Variants in RPP40 observed in about 807,000 individuals in gnomAD.
The protein encoded by RPP40 is ribonuclease P protein subunit p40.
In RPP40, 30 loss-of-function variants were observed where a neutral mutation model predicts 42.5. That is an observed-to-expected ratio of 0.71 (90% CI 0.53 to 0.96). The LOEUF is 0.96. RPP40 is among the 40% of genes least tolerant of loss of function. The probability of loss-of-function intolerance (pLI) is 0.00; values close to 1 mark genes in which losing one functional copy is unlikely to be tolerated. For synonymous variants in RPP40, 173 were observed against 164.0 expected, an observed-to-expected ratio of 1.05 and a Z score of -0.42; for missense variants, 426 against 433.5, an observed-to-expected ratio of 0.98 and a Z score of 0.15.
At chr6:4,996,511 G>T in intron 5 of RPP40, 91 bp from the exon 6 acceptor site, 1 of 1,190,866 alleles carries the variant, frequency 8.4e-7, no homozygotes, top group Non-Finnish European at 1.2e-6. Context: ...TCCCATCTGA[G>T]CGGTAAGATT....
At position 4,996,234 on chromosome 6, in the gene RPP40, C is replaced by A; in HGVS notation, c.746G>T (p.Ser249Ile). 6.2e-7 allele frequency: 1 copy of A among 1,613,868 alleles called. No homozygotes were observed. The highest frequency in any genetic ancestry group is 8.5e-7 in the Non-Finnish European group (1 of 1,179,922). Residue 249 changes from serine to isoleucine, a missense_variant, in exon 6 of 8, where the codon AGT (serine) becomes ATT (isoleucine). Physicochemically the swap from Ser to Ile is moderately radical, Grantham distance 142. Transcript: ENST00000380051. Reference sequence around the variant, plus strand: ...TTCAGATACCCACAGGTCGACATTACTGAAGACGGCGCCGAGCCAGTCGAA... The same window carrying A: ...TTCAGATACCCACAGGTCGACATTAATGAAGACGGCGCCGAGCCAGTCGAA... ...ELFDWLGAVF[S>I]NVDLNNEPNN...
At chr6:5,001,035 G>C in intron 2 of RPP40, 1 of 460,596 alleles carries the variant, frequency 2.2e-6, no homozygotes, top group South Asian at 1.5e-5. Flanking sequence ...CTGACCAACA[G>C]CCTATTTGTG....
chr6:4,996,639 G>C (rs1759393329), intron 5 of RPP40, among the ~76,000 whole-genome samples: 1 of 152,174 alleles, frequency 6.6e-6, no homozygotes, highest in Admixed American at 6.5e-5. Context: ...TCCTGGAAAA[G>C]CACAACAGTT....
chr6:5,000,928 A>G (rs113294457), intron 2 of RPP40, among the ~76,000 whole-genome samples: 1 of 151,342 alleles, frequency 6.6e-6, no homozygotes, highest in Non-Finnish European at 1.5e-5. Context: ...AAGACCAAGC[A>G]TGCAGAAGAA....
chr6:5,003,992 A>T lies in RPP40; in HGVS notation c.11T>A (p.Leu4Gln). 1 of 1,609,550 alleles carries T rather than the reference A, an allele frequency of 6.2e-7. No individual in the cohort carries two copies. The highest frequency in any genetic ancestry group is 8.5e-7 in the Non-Finnish European group (1 of 1,178,486). The change falls in exon 1 of 8, where the codon CTG (leucine) becomes CAG (glutamine). Residue 4 changes from leucine (L) to glutamine (Q), a missense_variant. By Grantham distance (113) the Leu-to-Gln change is moderately radical (BLOSUM62 -2). Coordinates refer to ENST00000380051, the MANE Select transcript of RPP40 (RefSeq NM_006638.4). ...CCGCGGCGCCTCCCGAAGCCGGCGC[A>T]GCGTGGCCATGCTCTCCTGGGTTCC... The part of the protein sequence containing the change: MAT[L>Q]RRLREAPRHL...
chr6:4,999,539 C>T (rs866409073), intron 4 of RPP40, among the ~76,000 whole-genome samples: 4 of 151,990 alleles, frequency 2.6e-5, no homozygotes, highest in Non-Finnish European at 4.4e-5. Flanking sequence ...CCTCATGATC[C>T]GCCCGCCTTG....
Position 4,995,293 on chromosome 6 carries a change from T to A in RPP40, c.894-17A>T. 2 of 1,586,010 alleles carry A rather than the reference T, an allele frequency of 1.3e-6. No individual in the cohort carries two copies. The highest frequency in any genetic ancestry group is 1.7e-6 in the Non-Finnish European group (2 of 1,159,282). On this transcript the variant is annotated splice_polypyrimidine_tract_variant and intron_variant, in intron 7 of 7. Transcript: ENST00000380051. ...AAGTAGTGACTGAAAAAAAGGTAGT[T>A]GTTAAACAGAGTTTTAAAAGAGAGT... is the stretch of plus-strand genomic sequence containing the variant.
chr6:4,991,584 C>G (rs375628810), downstream of RPP40, among the ~76,000 whole-genome samples: 65 of 152,184 alleles, frequency 4.3e-4, no homozygotes, highest in South Asian at 0.013. Context: ...GATTTTCTGC[C>G]TACTTGTTCT....
chr6:4,992,489 G>C (rs1413495264), downstream of RPP40, among the ~76,000 whole-genome samples: 2 of 152,084 alleles, frequency 1.3e-5, no homozygotes, highest in East Asian at 3.8e-4. Flanking sequence ...AATATGCTGG[G>C]AATTACTTTT....
rs1259638491 is a variant in RPP40, at chr6:4,996,104, A to G, written c.759-19T>C. On this transcript the variant is annotated intron_variant, in intron 6 of 7. Coordinates refer to ENST00000380051, the MANE Select transcript of RPP40 (RefSeq NM_006638.4). ...ATTATTTCTGTCACCAAAAAAATAA[A>G]AGAGAGAGAGATAACACATGTATAT... 3.7e-5 allele frequency: 59 copies of G among 1,612,992 alleles called. No individual in the cohort carries two copies. Among genetic ancestry groups the G allele is most frequent in the Non-Finnish European group, 4.7e-5 (56 of 1,179,546 alleles).
chr6:5,001,279 T>C (rs1010228488), intron 2 of RPP40: 10 of 395,716 alleles, frequency 2.5e-5, no homozygotes, highest in African/African-American at 1.7e-4. Flanking sequence ...TGGTAAGACA[T>C]TTAACAGTGC....
At chr6:4,991,853 C>A (rs1390528531), downstream of RPP40, among the ~76,000 whole-genome samples, 3 of 152,066 alleles carry the variant, frequency 2.0e-5, no homozygotes, top group African/African-American at 4.8e-5. Context: ...GTGGATTCCC[C>A]CATTTAGTGC....
Position 4,996,010 on chromosome 6 carries a change from CA to C in RPP40, c.833del (p.Leu278CysfsTer29). ...EPSTVVAKAY[L>X]CTITGFILPE... The stretch of plus-strand genomic sequence containing the variant: ...GAAGTATGAAGCCAGTGATTGTACA[CA>C]AATAAGCTTTTGCCACCACTGTGCT... On this transcript the variant is annotated frameshift_variant, in exon 7 of 8. Coordinates refer to ENST00000380051, the MANE Select transcript of RPP40 (RefSeq NM_006638.4). LOFTEE classifies it high-confidence loss of function. 1 of 1,614,012 alleles carries C rather than the reference CA, an allele frequency of 6.2e-7. No individual in the cohort carries two copies. The highest frequency in any genetic ancestry group is 8.5e-7 in the Non-Finnish European group (1 of 1,179,896).
At chr6:4,996,568 T>A in intron 5 of RPP40, 148 bp from the exon 6 acceptor site, 1 of 696,652 alleles carries the variant, frequency 1.4e-6, no homozygotes, top group Non-Finnish European at 2.4e-6. Context: ...TAAAATCATT[T>A]AAAGCTGCTT....
downstream of RPP40, among the ~76,000 whole-genome samples, chr6:4,991,343 C>T (rs2477486): frequency 0.11 from 17,355 of 151,900 alleles, 1,301 homozygotes; most frequent in Middle Eastern, 0.22. Flanking sequence ...TGTGTACTTG[C>T]GAAAAACTCT....
At chr6:4,989,488 T>C in the RPP40 span, among the ~76,000 whole-genome samples, 3 of 152,104 alleles carry the variant, frequency 2.0e-5, no homozygotes, top group Admixed American at 6.6e-5. Flanking sequence ...GGGATTTTGA[T>C]TGTGATTGTA....
intron 4 of RPP40, 31 bp downstream of exon 4, chr6:4,999,778 T>G (rs145892487): frequency 8.4e-7 from 1 of 1,186,114 alleles, no homozygotes; most frequent in Non-Finnish European, 1.2e-6. Flanking sequence ...ACAAGAAGAT[T>G]AGAAACAGAT....
At chr6:4,993,544 G>A (rs1176902816), downstream of RPP40, among the ~76,000 whole-genome samples, 1 of 152,058 alleles carries the variant, frequency 6.6e-6, no homozygotes, top group Non-Finnish European at 1.5e-5. Context: ...TTACACTTGT[G>A]ATTTTTTTCT....
intron 2 of RPP40, chr6:5,001,223 TG>T (rs1457710228): frequency 8.9e-6 from 4 of 448,630 alleles, no homozygotes; most frequent in Non-Finnish European, 1.8e-5. Context: ...CACTGTTAAA[TG>T]AGGATCATAG....
Sources: allele counts gnomAD v4.1 joint callset (sites outside exome capture counted in the v4.1 genomes callset), GRCh38; gene constraint gnomAD v4.1.1; transcripts MANE v1.5; gene names NCBI Gene and HGNC (gene_info 2026-07-23, HGNC 2026-07-21).